Variants in RAB21 observed in about 807,000 individuals in gnomAD.
The protein encoded by RAB21 is RAB21, member RAS oncogene family, also known as ras-related protein Rab-21.
In RAB21, 13 loss-of-function variants were observed where a neutral mutation model predicts 33.1. The ratio of observed to expected loss-of-function variants is 0.39; its 90% CI spans 0.26 to 0.62. The LOEUF (loss-of-function observed/expected upper bound fraction) is 0.62. Among genes scored for constraint, RAB21 ranks in the 20% least tolerant of loss-of-function variants. The pLI is 0.48. For missense variants in RAB21, 234 were observed against 279.1 expected (o/e 0.84, Z 1.15); for synonymous variants, 91 against 103.7 (o/e 0.88, Z 0.74).
At chr12:71,763,580 T>C (rs2137641811) in intron 1 of RAB21, among the ~76,000 whole-genome samples, 1 of 152,254 alleles carries the variant, frequency 6.6e-6, no homozygotes, top group African/African-American at 2.4e-5. Context: ...TTAATACAAG[T>C]TACAGATGAC....
At chr12:71,767,216 A>G (rs995339470) in intron 1 of RAB21, among the ~76,000 whole-genome samples, 2 of 152,236 alleles carry the variant, frequency 1.3e-5, no homozygotes, top group East Asian at 3.9e-4. Context: ...CTTTCCGTAC[A>G]AGTGTTTTTG....
chr12:71,756,549 C>G (rs1565882139), intron 1 of RAB21, among the ~76,000 whole-genome samples: 1 of 152,182 alleles, frequency 6.6e-6, no homozygotes, highest in Admixed American at 6.5e-5. Context: ...ATTCCATGTT[C>G]TATTTTTACT....
Position 71,795,233 on chromosome 12 carries a change from A to C in RAB21, c.*9560A>C, listed in dbSNP as rs1276878146. The C allele has an allele frequency of 1.3e-5, 2 of 152,240 alleles. No homozygotes were observed. The highest frequency in any genetic ancestry group is 4.8e-5 in the African/African-American group (2 of 41,466). The allele number at this position is 152,240 out of a possible 1,614,324, so 9.4% of individuals were successfully genotyped here. ...GTGATTCAGAATATTAAAAGTTAAGAATCCATGAATAGCCCCTTAAAAATA... is the reference window on the plus strand; with the variant it reads ...GTGATTCAGAATATTAAAAGTTAAGCATCCATGAATAGCCCCTTAAAAATA... On this transcript the variant is annotated 3_prime_UTR_variant, in exon 7 of 7. Transcript: ENST00000261263.
At position 71,791,549 on chromosome 12, in the gene RAB21, C is replaced by T. The variant is rs972857485; in HGVS notation, c.*5876C>T. 1.3e-5 allele frequency: 2 copies of T among 152,090 alleles called. No individual in the cohort carries two copies. The highest frequency in any genetic ancestry group is 1.3e-4 in the Admixed American group (2 of 15,276). The allele number at this position is 152,090 out of a possible 1,614,324, so 9.4% of individuals were successfully genotyped here. On this transcript the variant is annotated 3_prime_UTR_variant, in exon 7 of 7. Coordinates refer to ENST00000261263, the MANE Select transcript of RAB21 (RefSeq NM_014999.4). ...GGGAAAAGTACAAGATAAACTAAAACAAGTCTTTATACAACTCTGACAGCA... is the reference window on the plus strand; with the variant it reads ...GGGAAAAGTACAAGATAAACTAAAATAAGTCTTTATACAACTCTGACAGCA...
At chr12:71,785,500 C>A in intron 6 of RAB21, 31 bp from the exon 7 acceptor site, 4 of 1,609,012 alleles carry the variant, frequency 2.5e-6, no homozygotes, top group Non-Finnish European at 3.4e-6. Flanking sequence ...ATATTGTGGT[C>A]CTAATAATGT....
chr12:71,757,251 G>A (rs1333044162), intron 1 of RAB21, among the ~76,000 whole-genome samples: 2 of 151,974 alleles, frequency 1.3e-5, no homozygotes, highest in Admixed American at 6.6e-5. Flanking sequence ...GGGATTACAG[G>A]CACACGCCAC....
chr12:71,785,653 G>A lies in RAB21; in HGVS notation c.658G>A (p.Gly220Arg), dbSNP rs1221291953. The A allele has an allele frequency of 6.2e-7, 1 of 1,614,146 alleles. No individual in the cohort carries two copies. The highest frequency in any genetic ancestry group is 8.5e-7 in the Non-Finnish European group (1 of 1,180,028). Residue 220 changes from glycine to arginine, a missense_variant, in exon 7 of 7, where the codon GGG becomes AGG. Transcript: ENST00000261263. ...ACCTCAAGCCCAGACCAGTGGTGGA[G>A]GGTGCTGTTCTTCTGGATAACTGTT... ...DEPQAQTSGG[G>R]CCSSG is the part of the protein sequence containing the mutation.
At chr12:71,770,086 C>T (rs1222880064) in intron 2 of RAB21, among the ~76,000 whole-genome samples, 1 of 152,108 alleles carries the variant, frequency 6.6e-6, no homozygotes, top group Non-Finnish European at 1.5e-5. Context: ...AGAGAGAGGA[C>T]AGGGTGGGTG....
intron 3 of RAB21, among the ~76,000 whole-genome samples, chr12:71,771,819 C>CA (rs1260087024): frequency 1.3e-5 from 2 of 151,794 alleles, no homozygotes; most frequent in African/African-American, 4.8e-5. Flanking sequence ...ACTAAAAATA[C>CA]AAAAAAATTA....
In RAB21 at chr12:71,758,470, T is replaced by G. The variant is rs1322658538; in HGVS notation, c.159+3182T>G. ...CAACTCTGGCTCCCTTAACTGGATC[T>G]CCAGTGACAGTGACATCGTTTTAAA... On this transcript the variant is annotated intron_variant, in intron 1 of 6. Transcript: ENST00000261263. 2.0e-5 allele frequency among the ~76,000 whole-genome samples: 3 copies of G among 152,142 alleles called. No homozygotes were observed. The South Asian group carries it at 6.2e-4, about 31-fold the overall frequency.
chr12:71,772,099 G>T (rs1219194912), intron 3 of RAB21, among the ~76,000 whole-genome samples: 2 of 152,136 alleles, frequency 1.3e-5, no homozygotes, highest in African/African-American at 4.8e-5. Context: ...TCTGTGGGTT[G>T]ACCAGGCAGG....
intron 6 of RAB21, among the ~76,000 whole-genome samples, 168 bp from the exon 7 acceptor site, chr12:71,785,363 A>C (rs1267829071): frequency 6.6e-6 from 1 of 152,218 alleles, no homozygotes; most frequent in Non-Finnish European, 1.5e-5. Flanking sequence ...CTAGTTTTTT[A>C]AAACATGCAG....
At chr12:71,781,980 G>A in intron 4 of RAB21, 51 bp from the exon 5 acceptor site, 1 of 1,394,124 alleles carries the variant, frequency 7.2e-7, no homozygotes, top group Non-Finnish European at 9.9e-7. Flanking sequence ...GCTTAATTTT[G>A]TTATGAAAAT....
Position 71,794,501 on chromosome 12 carries a change from A to G in RAB21, c.*8828A>G, listed in dbSNP as rs1174081067. 15 of 114,496 alleles carry G rather than the reference A, an allele frequency of 1.3e-4. No homozygotes were observed. The highest frequency in any genetic ancestry group is 0.018 in the Middle Eastern group (2 of 112). 7.1% of individuals were successfully genotyped at this position (114,496 alleles called of 1,614,324 possible). The stretch of plus-strand genomic sequence containing the variant: ...TCCCAGGCCAGAGTGCAGTGGCGCT[A>G]TCTCGGCTCACTGCAAGCTCCGGCT... On this transcript the variant is annotated 3_prime_UTR_variant, in exon 7 of 7. Transcript: ENST00000261263.
At position 71,783,732 on chromosome 12, in the gene RAB21, T is replaced by TG. The variant is rs532385211; in HGVS notation, c.535+1078dup. Among the ~76,000 whole-genome samples, 1,008 of 152,266 alleles carry TG rather than the reference T, an allele frequency of 6.6e-3. 14 individuals are homozygous for TG. Among genetic ancestry groups the TG allele is most frequent in the African/African-American group, 0.023 (973 of 41,548 alleles). ...AGAGCCAATGCTGTACATAACAACT[T>TG]GGGGATCTTATTAAATGCATATTTT... On this transcript the variant is annotated intron_variant, in intron 6 of 6. Transcript: ENST00000261263.
Position 71,792,142 on chromosome 12 carries a change from G to C in RAB21, c.*6469G>C, listed in dbSNP as rs1007033647. 2.6e-5 allele frequency: 4 copies of C among 152,062 alleles called. No individual in the cohort carries two copies. The highest frequency in any genetic ancestry group is 9.7e-5 in the African/African-American group (4 of 41,392). The allele number at this position is 152,062 out of a possible 1,614,324, so 9.4% of individuals were successfully genotyped here. On this transcript the variant is annotated 3_prime_UTR_variant, in exon 7 of 7. Transcript: ENST00000261263. ...CTGCCTTGGCCTCTCAAAGTACTAG[G>C]ATAACAGTCATGAGCCACCATGCCC...
At chr12:71,759,104 T>A (rs1310157050) in intron 1 of RAB21, among the ~76,000 whole-genome samples, 1 of 152,246 alleles carries the variant, frequency 6.6e-6, no homozygotes, top group African/African-American at 2.4e-5. Flanking sequence ...TTAAGCTTTT[T>A]CTTTTGTTTC....
At chr12:71,772,282 A>G (rs1239558900) in intron 3 of RAB21, among the ~76,000 whole-genome samples, 1 of 152,082 alleles carries the variant, frequency 6.6e-6, no homozygotes, top group Non-Finnish European at 1.5e-5. Context: ...TCTGTATTCT[A>G]CCTTAAGCTT....
intron 5 of RAB21, 65 bp from the exon 6 acceptor site, chr12:71,782,505 A>G: frequency 8.7e-7 from 1 of 1,154,114 alleles, no homozygotes. Flanking sequence ...TTACTATAAA[A>G]AAGCAGTTAA....
Sources: gnomAD v4.1 joint callset for allele counts (sites outside exome capture counted in the v4.1 genomes callset) on GRCh38, gnomAD v4.1.1 for gene constraint, MANE v1.5 for transcripts, NCBI Gene and HGNC (gene_info 2026-07-23, HGNC 2026-07-21) for gene names.